Variants in COLEC12 observed in about 807,000 individuals in gnomAD.
COLEC12 encodes the protein collectin-12.
In COLEC12, 33 loss-of-function variants were observed where a neutral mutation model predicts 71.1. The ratio of observed to expected loss-of-function variants is 0.46; its 90% confidence interval spans 0.35 to 0.62. The LOEUF (loss-of-function observed/expected upper bound fraction) is 0.62. COLEC12 is among the 20% of genes least tolerant of loss of function. COLEC12 has a pLI of 0.00. For missense variants in COLEC12, 765 were observed against 916.1 expected (o/e 0.84, Z 2.13); for synonymous variants, 350 against 353.0 (o/e 0.99, Z 0.10).
intron 2 of COLEC12, among the ~76,000 whole-genome samples, chr18:386,893 T>C (rs1011484060): frequency 6.6e-6 from 1 of 152,208 alleles, no homozygotes; most frequent in Non-Finnish European, 1.5e-5. Context: ...CACACATAGC[T>C]TCTGAAGAGG....
At chr18:475,752 G>T (rs1917291485) in intron 2 of COLEC12, among the ~76,000 whole-genome samples, 1 of 152,164 alleles carries the variant, frequency 6.6e-6, no homozygotes, top group South Asian at 2.1e-4. Flanking sequence ...TTAGACATTA[G>T]TTTCTCTAAA....
chr18:461,097 G>A (rs761380593), intron 2 of COLEC12, among the ~76,000 whole-genome samples: 11 of 152,064 alleles, frequency 7.2e-5, no homozygotes, highest in South Asian at 4.2e-4. Flanking sequence ...GCTAATAATC[G>A]GCTGAGTTTA....
At chr18:376,720 T>A (rs1444104695) in intron 2 of COLEC12, among the ~76,000 whole-genome samples, 1 of 152,210 alleles carries the variant, frequency 6.6e-6, no homozygotes, top group Non-Finnish European at 1.5e-5. Flanking sequence ...ATGAGAATCC[T>A]ACATTTCTTT....
chr18:336,858 TCTCA>T lies in COLEC12; in HGVS notation c.1328-1632_1328-1629del, dbSNP rs966164586. ...TCTCTCTCTTTTTTTAGAGACAGAG[TCTCA>T]CTCTTTTTTTTTAGAGACAGTCTCA... On this transcript the variant is annotated intron_variant, in intron 5 of 9. Transcript: ENST00000400256. Among the ~76,000 whole-genome samples, 14 of 151,540 alleles carry T rather than the reference TCTCA, an allele frequency of 9.2e-5. 1 individual carries two copies. The highest frequency in any genetic ancestry group is 3.4e-4 in the African/African-American group (14 of 41,208).
chr18:326,827 C>A (rs111557640), intron 8 of COLEC12, among the ~76,000 whole-genome samples: 2,572 of 152,290 alleles, frequency 0.017, 89 homozygotes, highest in African/African-American at 0.059. Context: ...ATATCCCTAT[C>A]AATTTTTCCA....
chr18:370,992 A>G (rs978177091), intron 2 of COLEC12, among the ~76,000 whole-genome samples: 9 of 152,220 alleles, frequency 5.9e-5, no homozygotes, highest in Non-Finnish European at 1.2e-4. Context: ...TTCCTAAATG[A>G]AGAATACAAT....
Position 498,853 on chromosome 18 carries a change from A to G in COLEC12, c.7+1655T>C, listed in dbSNP as rs528501555. ...AAATCTCTCCAAAAATGTGTTTAGG[A>G]CTTCTGGGTATGTTTTCCAGTGCAA... On this transcript the variant is annotated intron_variant, in intron 1 of 9. Coordinates refer to ENST00000400256, the MANE Select transcript of COLEC12 (RefSeq NM_130386.3). 5.9e-5 allele frequency among the ~76,000 whole-genome samples: 9 copies of G among 152,252 alleles called. No homozygotes were observed. In the South Asian group the frequency reaches 1.9e-3, roughly 32 times the overall value.
Position 396,142 on chromosome 18 carries a change from C to G in COLEC12, c.59-38620G>C, listed in dbSNP as rs1353839453. 3.9e-5 allele frequency among the ~76,000 whole-genome samples: 6 copies of G among 152,160 alleles called. No individual in the cohort carries two copies. In the East Asian group the frequency reaches 1.2e-3, roughly 29 times the overall value. On this transcript the variant is annotated intron_variant, in intron 2 of 9. Transcript: ENST00000400256. ...CTTCCTAGCCTGAGTCACAAAGAAC[C>G]CTTTCCTTCTTTGCCAGTTGGGGAA...
intron 5 of COLEC12, among the ~76,000 whole-genome samples, chr18:342,136 C>T (rs868324617): frequency 6.6e-6 from 1 of 152,212 alleles, no homozygotes. Context: ...CAGCTCACCA[C>T]AACCTCCAAC....
chr18:433,845 T>C (rs569264424), intron 2 of COLEC12, among the ~76,000 whole-genome samples: 1 of 151,648 alleles, frequency 6.6e-6, no homozygotes, highest in East Asian at 1.9e-4. Flanking sequence ...GTGCCTGTAA[T>C]CCCAGCTACT....
At chr18:369,397 A>ATTTATT (rs1914946192) in intron 2 of COLEC12, among the ~76,000 whole-genome samples, 1 of 99,248 alleles carries the variant, frequency 1.0e-5, no homozygotes, top group South Asian at 3.5e-4. Context: ...TTTTTTTTTT[A>ATTTATT]TTTTTTTTTA....
At chr18:355,316 G>C (rs1326949061) in intron 3 of COLEC12, among the ~76,000 whole-genome samples, 2 of 152,108 alleles carry the variant, frequency 1.3e-5, no homozygotes, top group South Asian at 4.1e-4. Flanking sequence ...GCCTAATTCA[G>C]CTTTCGGGAG....
intron 2 of COLEC12, among the ~76,000 whole-genome samples, chr18:432,693 C>T (rs974073194): frequency 1.1e-4 from 16 of 151,260 alleles, no homozygotes; most frequent in Non-Finnish European, 1.8e-4. Flanking sequence ...TCCCTCAGTT[C>T]ACCATGTGCT....
chr18:452,222 T>C (rs1916776969), intron 2 of COLEC12, among the ~76,000 whole-genome samples: 1 of 152,220 alleles, frequency 6.6e-6, no homozygotes. Flanking sequence ...GTGCTCAATA[T>C]ATGATTTAGA....
At chr18:366,470 C>T (rs1167763825) in intron 2 of COLEC12, among the ~76,000 whole-genome samples, 1 of 152,178 alleles carries the variant, frequency 6.6e-6, no homozygotes, top group Non-Finnish European at 1.5e-5. Context: ...CTCAATGCAC[C>T]CTTTCCTAAT....
At chr18:355,414 A>G (rs896673361) in intron 3 of COLEC12, among the ~76,000 whole-genome samples, 108 of 152,196 alleles carry the variant, frequency 7.1e-4, no homozygotes, top group Non-Finnish European at 1.6e-4. Flanking sequence ...CAAATGGACC[A>G]GCACACGCAC....
At chr18:496,796 C>T (rs1917721131) in intron 1 of COLEC12, among the ~76,000 whole-genome samples, 1 of 152,176 alleles carries the variant, frequency 6.6e-6, no homozygotes, top group Admixed American at 6.6e-5. Context: ...TCTGTGGTCC[C>T]GGGTGGTGGC....
intron 2 of COLEC12, among the ~76,000 whole-genome samples, chr18:446,502 G>A (rs1916653725): frequency 7.0e-6 from 1 of 142,848 alleles, no homozygotes; most frequent in South Asian, 2.2e-4. Context: ...AGAAGTTCAA[G>A]ACCAGCCTGG....
intron 2 of COLEC12, among the ~76,000 whole-genome samples, chr18:473,102 C>T (rs1917233729): frequency 6.6e-6 from 1 of 152,092 alleles, no homozygotes; most frequent in African/African-American, 2.4e-5. Context: ...CACAGATACA[C>T]AAAATGAGGC....
Sources: allele counts gnomAD v4.1 joint callset (sites outside exome capture counted in the v4.1 genomes callset), GRCh38; gene constraint gnomAD v4.1.1; transcripts MANE v1.5; gene names NCBI Gene and HGNC (gene_info 2026-07-23, HGNC 2026-07-21).